DIP2B: variants seen among roughly 807,000 people sequenced by gnomAD.
The protein encoded by DIP2B is DIP2 acetate--CoA ligase B (putative).
A neutral mutation model predicts 198.0 loss-of-function variants in DIP2B; 76 were observed. The observed-to-expected ratio is 0.38, with a 90% confidence interval of 0.32 to 0.46. The LOEUF (loss-of-function observed/expected upper bound fraction) is 0.46, where lower values mean the gene tolerates loss of function less well. DIP2B is among the 20% of genes least tolerant of loss of function. The probability of loss-of-function intolerance (pLI) is 0.99; values close to 1 mark genes in which losing one functional copy is unlikely to be tolerated. For synonymous variants in DIP2B, 701 were observed against 739.1 expected (o/e 0.95, Z 0.84); for missense variants, 1,559 against 1,978.4 (o/e 0.79, Z 4.02).
intron 1 of DIP2B, among the ~76,000 whole-genome samples, chr12:50,604,151 A>C (rs1215680102): frequency 7.3e-6 from 1 of 137,754 alleles, no homozygotes; most frequent in Non-Finnish European, 1.5e-5. Flanking sequence ...CAGACAAGTT[A>C]GGCAATAATT....
chr12:50,739,730 C>A, intron 36 of DIP2B, 144 bp downstream of exon 36: 1 of 1,044,894 alleles, frequency 9.6e-7, no homozygotes, highest in Non-Finnish European at 1.4e-6. Context: ...ACTCTCTCTT[C>A]ATTTGGAGTC....
chr12:50,726,921 T>A (rs1049028306), intron 28 of DIP2B, among the ~76,000 whole-genome samples: 1 of 152,124 alleles, frequency 6.6e-6, no homozygotes. Context: ...GAGACTAGCC[T>A]GGGCAATACA....
At chr12:50,731,196 G>A (rs1390508190) in intron 30 of DIP2B, among the ~76,000 whole-genome samples, 173 bp from the exon 31 acceptor site, 1 of 152,200 alleles carries the variant, frequency 6.6e-6, no homozygotes, top group African/African-American at 2.4e-5. Context: ...TTATTTCATA[G>A]TTGCTCCTTT....
intron 27 of DIP2B, 56 bp downstream of exon 27, chr12:50,723,379 A>T: frequency 6.2e-7 from 1 of 1,604,588 alleles, no homozygotes; most frequent in South Asian, 1.1e-5. Flanking sequence ...AGATTCAGAC[A>T]ACTAAGGATC....
At chr12:50,521,468 A>G (rs1958118562) in intron 1 of DIP2B, among the ~76,000 whole-genome samples, 1 of 143,066 alleles carries the variant, frequency 7.0e-6, no homozygotes, top group Admixed American at 7.0e-5. Context: ...TTACCTTCTC[A>G]GTTAGACTTC....
intron 1 of DIP2B, among the ~76,000 whole-genome samples, chr12:50,546,331 C>A (rs920384333): frequency 5.3e-5 from 8 of 152,064 alleles, no homozygotes; most frequent in African/African-American, 1.9e-4. Context: ...GTGAAAAATT[C>A]TTTTTTAAAA....
At chr12:50,585,283 A>G (rs1958760533) in intron 1 of DIP2B, among the ~76,000 whole-genome samples, 1 of 152,238 alleles carries the variant, frequency 6.6e-6, no homozygotes, top group African/African-American at 2.4e-5. Flanking sequence ...TTGGAAATAG[A>G]GCATTGGGCA....
chr12:50,557,873 G>A (rs771175851), intron 1 of DIP2B, among the ~76,000 whole-genome samples: 12 of 152,178 alleles, frequency 7.9e-5, no homozygotes, highest in African/African-American at 1.2e-4. Flanking sequence ...AATGCCAGGC[G>A]TGGTGGCTCC....
At chr12:50,717,260 T>C (rs1939741930) in intron 23 of DIP2B, among the ~76,000 whole-genome samples, 5 of 151,184 alleles carry the variant, frequency 3.3e-5, no homozygotes, top group Admixed American at 3.3e-4. Context: ...GACATTTTTT[T>C]CCCTGAGTTT....
At chr12:50,644,824 C>G (rs1051745008) in intron 3 of DIP2B, among the ~76,000 whole-genome samples, 4 of 152,068 alleles carry the variant, frequency 2.6e-5, no homozygotes, top group Admixed American at 2.6e-4. Flanking sequence ...GTGTGTAATT[C>G]CCTAGCTTTG....
chr12:50,715,594 G>A (rs1939700031), intron 23 of DIP2B, among the ~76,000 whole-genome samples: 1 of 152,222 alleles, frequency 6.6e-6, no homozygotes, highest in South Asian at 2.1e-4. Flanking sequence ...AGGAAGGATT[G>A]TGGGAAAATA....
chr12:50,531,017 C>T (rs1958212094), intron 1 of DIP2B, among the ~76,000 whole-genome samples: 1 of 152,108 alleles, frequency 6.6e-6, no homozygotes, highest in South Asian at 2.1e-4. Context: ...ATAGTGGAAG[C>T]AGTGGGCATG....
At chr12:50,712,713 C>T (rs1227229069) in intron 22 of DIP2B, among the ~76,000 whole-genome samples, 1 of 152,108 alleles carries the variant, frequency 6.6e-6, no homozygotes, top group Non-Finnish European at 1.5e-5. Context: ...TCGAGACCAG[C>T]CTAGCCAACA....
chr12:50,741,136 T>C (rs1462165599), intron 36 of DIP2B, among the ~76,000 whole-genome samples: 1 of 152,244 alleles, frequency 6.6e-6, no homozygotes, highest in Non-Finnish European at 1.5e-5. Context: ...CATGTAATAA[T>C]ACTAACAGCT....
Position 50,723,896 on chromosome 12 carries a change from T to C in DIP2B, c.3288+573T>C, listed in dbSNP as rs530837504. Among the ~76,000 whole-genome samples the C allele has an allele frequency of 3.3e-5, 5 of 152,360 alleles. No individual in the cohort carries two copies. In the South Asian group the frequency reaches 1.0e-3, roughly 32 times the overall value. Reference sequence around the variant, plus strand: ...ATTTTAGTTACTTTTGTGAATTTACTTGGTATAGCATTAAAAGGTGTCCAG... The same window carrying C: ...ATTTTAGTTACTTTTGTGAATTTACCTGGTATAGCATTAAAAGGTGTCCAG... On this transcript the variant is annotated intron_variant, in intron 27 of 37. Transcript: ENST00000301180.
intron 1 of DIP2B, among the ~76,000 whole-genome samples, chr12:50,584,449 C>T (rs1488605911): frequency 1.3e-5 from 2 of 152,230 alleles, no homozygotes; most frequent in Non-Finnish European, 2.9e-5. Flanking sequence ...CATTTCTCAA[C>T]TAGAAAACTG....
chr12:50,658,396 C>T (rs539665586), intron 3 of DIP2B, among the ~76,000 whole-genome samples: 1 of 152,214 alleles, frequency 6.6e-6, no homozygotes, highest in Non-Finnish European at 1.5e-5. Context: ...TTAGGCCTCC[C>T]AAAGTGCTGG....
chr12:50,717,600 C>A (rs1415144135), intron 23 of DIP2B, among the ~76,000 whole-genome samples: 1 of 151,990 alleles, frequency 6.6e-6, no homozygotes, highest in African/African-American at 2.4e-5. Context: ...GTCTCCTGAC[C>A]TTGTGATCCG....
chr12:50,683,865 A>G (rs1392585346), intron 10 of DIP2B, among the ~76,000 whole-genome samples: 2 of 152,186 alleles, frequency 1.3e-5, no homozygotes, highest in Non-Finnish European at 2.9e-5. Context: ...TAATCCTAGC[A>G]CTTTGGGAGA....
Sources: gnomAD v4.1 joint callset for allele counts (sites outside exome capture counted in the v4.1 genomes callset) on GRCh38, gnomAD v4.1.1 for gene constraint, MANE v1.5 for transcripts, NCBI Gene and HGNC (gene_info 2026-07-23, HGNC 2026-07-21) for gene names.